The following ATF3 variants were observed in gnomAD, a reference collection of about 807,000 sequenced individuals.
ATF3 encodes the protein cyclic AMP-dependent transcription factor ATF-3.
A neutral mutation model predicts 18.4 loss-of-function variants in ATF3; 10 were observed. That is an observed-to-expected ratio of 0.54 (90% CI 0.34 to 0.92). The LOEUF (loss-of-function observed/expected upper bound fraction) is 0.92. ATF3 is among the 40% of genes least tolerant of loss of function. The pLI, the probability that ATF3 is intolerant of heterozygous loss-of-function variation, is 0.02. For missense variants in ATF3, 183 were observed against 222.3 expected (o/e 0.82, Z 1.12); for synonymous variants, 78 against 87.9 (o/e 0.89, Z 0.63).
chr1:212,567,663 T>C (rs1664408553), intron 1 of ATF3, among the ~76,000 whole-genome samples: 1 of 152,248 alleles, frequency 6.6e-6, no homozygotes, highest in South Asian at 2.1e-4. Flanking sequence ...TTTATAATGC[T>C]ACCGGTGTTA....
chr1:212,598,150 T>C (rs1654367872), intron 1 of ATF3, among the ~76,000 whole-genome samples: 1 of 152,212 alleles, frequency 6.6e-6, no homozygotes, highest in Non-Finnish European at 1.5e-5. Flanking sequence ...CAGAAATATA[T>C]AAGTAGAAGA....
Position 212,618,105 on chromosome 1 carries a change from G to A in ATF3, c.241-22G>A, listed in dbSNP as rs371631256. 3.1e-6 allele frequency: 5 copies of A among 1,612,668 alleles called. No homozygotes were observed. Among genetic ancestry groups the A allele is most frequent in the Non-Finnish European group, 4.2e-6 (5 of 1,178,842 alleles). The stretch of plus-strand genomic sequence containing the variant: ...TGGCATTTCTTACTGCCCTTTAAAT[G>A]TGTTTCTTTTGGATTTTACAGGTAG... On this transcript the variant is annotated intron_variant, in intron 2 of 3. Coordinates refer to ENST00000341491, the MANE Select transcript of ATF3 (RefSeq NM_001674.4). The surrounding 1 kb of genome is among the most constrained non-coding windows in gnomAD (Gnocchi z 4.4).
At chr1:212,593,624 C>T (rs1664931819) in intron 1 of ATF3, among the ~76,000 whole-genome samples, 1 of 151,374 alleles carries the variant, frequency 6.6e-6, no homozygotes, top group South Asian at 2.1e-4. Context: ...GCCTGTAGTC[C>T]CAGCTATTTG....
At chr1:212,598,532 C>T (rs906346018) in intron 1 of ATF3, among the ~76,000 whole-genome samples, 3 of 152,190 alleles carry the variant, frequency 2.0e-5, no homozygotes, top group Non-Finnish European at 4.4e-5. Context: ...AGTCACCTTG[C>T]GGTGCTATCA....
Position 212,618,704 on chromosome 1 carries a change from C to T in ATF3, c.348+470C>T, listed in dbSNP as rs990613572. 1.3e-5 allele frequency: 6 copies of T among 458,970 alleles called. No homozygotes were observed. Among genetic ancestry groups the T allele is most frequent in the Non-Finnish European group, 2.4e-5 (6 of 249,962 alleles). The allele number at this position is 458,970 out of a possible 1,614,324, so 28.4% of individuals were successfully genotyped here. A position where few individuals can be genotyped will look rare whatever the true frequency, so the allele number is the denominator to read the frequency against. ...TTGTCTGGTTCCTAACTCTAGAGCC[C>T]TTCTCCCTGGCTTAGCCAGTAAGCT... On this transcript the variant is annotated intron_variant, in intron 3 of 3. Transcript: ENST00000341491. This position sits in a 1 kb window ranked among gnomAD's most constrained non-coding sequence, Gnocchi z 4.4.
At chr1:212,595,697 C>T (rs12125027) in intron 1 of ATF3, among the ~76,000 whole-genome samples, 1 of 152,208 alleles carries the variant, frequency 6.6e-6, no homozygotes, top group African/African-American at 2.4e-5. Context: ...CCTCATAAGC[C>T]GGATGACCTG....
At chr1:212,599,521 C>T (rs1654415002) in intron 1 of ATF3, among the ~76,000 whole-genome samples, 1 of 152,204 alleles carries the variant, frequency 6.6e-6, no homozygotes, top group African/African-American at 2.4e-5. Context: ...CTGACTCCTA[C>T]ATTATGCCTT....
chr1:212,602,525 G>A (rs1248954554), intron 1 of ATF3, among the ~76,000 whole-genome samples: 2 of 152,178 alleles, frequency 1.3e-5, no homozygotes, highest in African/African-American at 4.8e-5. Flanking sequence ...GGAGGTGGTA[G>A]GTATCGTGGT....
At chr1:212,591,448 G>A (rs1165177587) in intron 1 of ATF3, among the ~76,000 whole-genome samples, 2 of 152,172 alleles carry the variant, frequency 1.3e-5, no homozygotes, top group Non-Finnish European at 2.9e-5. Flanking sequence ...AGATGTTCTG[G>A]CAAGAGCAGA....
upstream of ATF3, among the ~76,000 whole-genome samples, chr1:212,604,188 T>C (rs1654560073): frequency 6.6e-6 from 1 of 152,220 alleles, no homozygotes. Context: ...TGGTTACGTT[T>C]TATAGACTGG....
intron 1 of ATF3, among the ~76,000 whole-genome samples, chr1:212,593,868 TC>T (rs1453160873): frequency 6.6e-6 from 1 of 152,236 alleles, no homozygotes; most frequent in Non-Finnish European, 1.5e-5. Flanking sequence ...TCTTTATTTT[TC>T]TGTAGATCTT....
chr1:212,594,432 T>C (rs1259376619), intron 1 of ATF3, among the ~76,000 whole-genome samples: 1 of 152,162 alleles, frequency 6.6e-6, no homozygotes, highest in African/African-American at 2.4e-5. Flanking sequence ...ACAAAAAACC[T>C]AACAATTTTC....
chr1:212,613,057 T>A (rs972739163), intron 1 of ATF3, among the ~76,000 whole-genome samples: 2 of 152,198 alleles, frequency 1.3e-5, no homozygotes, highest in South Asian at 4.1e-4. Flanking sequence ...GGTACAATGA[T>A]AACACATAAT....
At position 212,615,279 on chromosome 1, in the gene ATF3, T is replaced by C. The variant is rs777416021; in HGVS notation, c.240+18T>C. The C allele has an allele frequency of 6.2e-7, 1 of 1,612,156 alleles. No homozygotes were observed. The highest frequency in any genetic ancestry group is 8.5e-7 in the Non-Finnish European group (1 of 1,178,682). ...AAGCCGAGGTGGGTTCTATCACAGG[T>C]ATTCATTCTTTCGGCACATGTTTCG... On this transcript the variant is annotated intron_variant, in intron 2 of 3. Transcript: ENST00000341491.
In ATF3 at chr1:212,573,479, G is replaced by A. The variant is rs182406188; in HGVS notation, c.-5+7996G>A. 1.7e-3 allele frequency among the ~76,000 whole-genome samples: 260 copies of A among 151,908 alleles called. 3 individuals carry two copies. The highest frequency in any genetic ancestry group is 2.8e-4 in the Non-Finnish European group (19 of 67,836). On this transcript the variant is annotated intron_variant, in intron 1 of 3. Coordinates refer to the ATF3 transcript ENST00000366981. ...ACCCTCCTTGGGTTATTTTGATACTGTTATCTGAATTTGGATTTTCTTTTC... is the reference window on the plus strand; with the variant it reads ...ACCCTCCTTGGGTTATTTTGATACTATTATCTGAATTTGGATTTTCTTTTC...
At chr1:212,578,937 G>A (rs1409908851) in intron 1 of ATF3, among the ~76,000 whole-genome samples, 1 of 150,972 alleles carries the variant, frequency 6.6e-6, no homozygotes, top group Non-Finnish European at 1.5e-5. Context: ...ACCAGGCTGT[G>A]TCTGTGTCCT....
At chr1:212,582,750 G>T (rs1664707344) in intron 1 of ATF3, among the ~76,000 whole-genome samples, 1 of 152,126 alleles carries the variant, frequency 6.6e-6, no homozygotes, top group South Asian at 2.1e-4. Context: ...AAGTATTCCG[G>T]CCTTTCCATG....
chr1:212,580,803 C>G (rs1333486944), intron 1 of ATF3, among the ~76,000 whole-genome samples: 1 of 152,180 alleles, frequency 6.6e-6, no homozygotes, highest in Non-Finnish European at 1.5e-5. Flanking sequence ...GAGTCTCGCT[C>G]TGTCACCCAG....
chr1:212,618,102 A>G lies in ATF3; in HGVS notation c.241-25A>G. 1 of 1,612,626 alleles carries G rather than the reference A, an allele frequency of 6.2e-7. No homozygotes were observed. Among genetic ancestry groups the G allele is most frequent in the South Asian group, 1.1e-5 (1 of 91,048 alleles). On this transcript the variant is annotated intron_variant, in intron 2 of 3. Coordinates refer to ENST00000341491, the MANE Select transcript of ATF3 (RefSeq NM_001674.4). This position sits in a 1 kb window ranked among gnomAD's most constrained non-coding sequence, Gnocchi z 4.4. ...AGGTGGCATTTCTTACTGCCCTTTAAATGTGTTTCTTTTGGATTTTACAGG... is the reference window on the plus strand; with the variant it reads ...AGGTGGCATTTCTTACTGCCCTTTAGATGTGTTTCTTTTGGATTTTACAGG...
Sources: allele counts gnomAD v4.1 joint callset (sites outside exome capture counted in the v4.1 genomes callset), GRCh38; gene constraint gnomAD v4.1.1; non-coding constraint Gnocchi (gnomAD v3.1); transcripts MANE v1.5; gene names NCBI Gene and HGNC (gene_info 2026-07-23, HGNC 2026-07-21).